Variants in SLC25A37 observed in about 807,000 individuals in gnomAD.
The protein encoded by SLC25A37 is mitoferrin-1.
A neutral mutation model predicts 31.0 loss-of-function variants in SLC25A37; 17 were observed. The observed-to-expected ratio is 0.55, with a 90% CI of 0.38 to 0.82. SLC25A37 has a LOEUF of 0.82. Ranked by LOEUF, SLC25A37 falls within the 40% of genes least tolerant of loss-of-function variation. The pLI, the probability that SLC25A37 is intolerant of heterozygous loss-of-function variation, is 0.00. For synonymous variants in SLC25A37, 222 were observed against 193.0 expected, an observed-to-expected ratio of 1.15 and a Z score of -1.24; for missense variants, 404 against 465.8, an observed-to-expected ratio of 0.87 and a Z score of 1.22.
chr8:23,529,028 G>A lies in SLC25A37; in HGVS notation c.26G>A (p.Gly9Asp), dbSNP rs1801603097. Reference protein sequence around the residue: MELRSGSVGSQAVARRMDG... With the variant: MELRSGSVDSQAVARRMDG... ...ATGGAGCTGCGCAGCGGGAGCGTGG[G>A]CAGCCAGGCGGTGGCGCGGAGGATG... is the stretch of plus-strand genomic sequence containing the variant. The change falls in exon 1 of 4, where the codon GGC becomes GAC. Residue 9 changes from glycine (G) to aspartate (D), a missense_variant. By Grantham distance (94) the Gly-to-Asp change is moderately conservative. Around this residue, in one of 3 missense-constraint regions of SLC25A37, gnomAD observed 154 missense variants for 153.6 expected, o/e 1.00. Coordinates refer to ENST00000519973, the MANE Select transcript of SLC25A37 (RefSeq NM_016612.4). The surrounding 1 kb of genome is among the most constrained non-coding windows in gnomAD (Gnocchi z 4.1). 4 of 1,542,674 alleles carry A rather than the reference G, an allele frequency of 2.6e-6. No individual in the cohort carries two copies. Among genetic ancestry groups the A allele is most frequent in the Non-Finnish European group, 2.6e-6 (3 of 1,145,436 alleles).
At chr8:23,544,007 T>G (rs1000977085) in intron 1 of SLC25A37, among the ~76,000 whole-genome samples, 1 of 151,746 alleles carries the variant, frequency 6.6e-6, no homozygotes, top group Non-Finnish European at 1.5e-5. Flanking sequence ...ATTACAGGTG[T>G]GTGCCACCAC....
Position 23,575,213 on chromosome 8 carries a change from G to A in SLC25A37, c.*3358G>A, listed in dbSNP as rs561781949. The A allele has an allele frequency of 4.4e-4, 67 of 152,282 alleles. No homozygotes were observed. Among genetic ancestry groups the A allele is most frequent in the African/African-American group, 1.6e-3 (66 of 41,566 alleles). The allele number at this position is 152,282 out of a possible 1,614,324, so 9.4% of individuals were successfully genotyped here. A position where few individuals can be genotyped will look rare whatever the true frequency, so the allele number is the denominator to read the frequency against. On this transcript the variant is annotated 3_prime_UTR_variant, in exon 4 of 4. Transcript: ENST00000519973. ...GTTTTATTTAACTTTATTTAAGGAT[G>A]ATTGTGTCTTTGAATGACAAATGTA...
intron 1 of SLC25A37, among the ~76,000 whole-genome samples, chr8:23,559,444 C>G (rs1358600663): frequency 6.6e-6 from 1 of 152,098 alleles, no homozygotes; most frequent in Non-Finnish European, 1.5e-5. Context: ...TTCCTCCTCT[C>G]CACCCTCACT....
chr8:23,547,489 T>G (rs1802099456), intron 1 of SLC25A37, among the ~76,000 whole-genome samples: 1 of 152,240 alleles, frequency 6.6e-6, no homozygotes, highest in Admixed American at 6.5e-5. Context: ...ATGTCAAGAT[T>G]GAACTAACAC....
Position 23,573,648 on chromosome 8 carries a change from C to G in SLC25A37, c.*1793C>G, listed in dbSNP as rs1317166270. The G allele has an allele frequency of 5.2e-6, 2 of 383,862 alleles. No homozygotes were observed. The highest frequency in any genetic ancestry group is 1.1e-5 in the Non-Finnish European group (2 of 185,864). The allele number at this position is 383,862 out of a possible 1,614,324, so 23.8% of individuals were successfully genotyped here. The stretch of plus-strand genomic sequence containing the variant: ...AGTGCCTTGGGGAGTAGATTTTGCC[C>G]TAATAGCGATGAAGAATTTTATCAG... On this transcript the variant is annotated 3_prime_UTR_variant, in exon 4 of 4. Coordinates refer to ENST00000519973, the MANE Select transcript of SLC25A37 (RefSeq NM_016612.4).
At position 23,573,406 on chromosome 8, in the gene SLC25A37, T is replaced by A. The variant is rs1477589029; in HGVS notation, c.*1551T>A. Reference sequence around the variant, plus strand: ...GGAATACCGACGAGACGAGCTGCACTGTCTCTGATTTGGAGCCCTCACCGG... The same window carrying A: ...GGAATACCGACGAGACGAGCTGCACAGTCTCTGATTTGGAGCCCTCACCGG... On this transcript the variant is annotated 3_prime_UTR_variant, in exon 4 of 4. Transcript: ENST00000519973. The A allele has an allele frequency of 5.8e-6, 1 of 172,052 alleles. No homozygotes were observed. Among genetic ancestry groups the A allele is most frequent in the South Asian group, 1.3e-4 (1 of 7,680 alleles). 10.7% of individuals were successfully genotyped at this position (172,052 alleles called of 1,614,324 possible). A position where few individuals can be genotyped will look rare whatever the true frequency, so the allele number is the denominator to read the frequency against.
In SLC25A37 at chr8:23,540,427, G is replaced by T. The variant is rs188273183; in HGVS notation, c.210+11215G>T. On this transcript the variant is annotated intron_variant, in intron 1 of 3. Coordinates refer to ENST00000519973, the MANE Select transcript of SLC25A37 (RefSeq NM_016612.4). ...TGGAGGAACCAGAGTTGAGTCGAGG[G>T]AGTAACTCCAGGAAATCATGGCACC... Among the ~76,000 whole-genome samples the T allele has an allele frequency of 2.0e-5, 3 of 152,310 alleles. No individual in the cohort carries two copies. The East Asian group carries it at 5.8e-4, about 29-fold the overall frequency.
rs201691273 is a variant in SLC25A37, at chr8:23,529,222, G to T, written c.210+10G>T. 1.2e-5 allele frequency: 20 copies of T among 1,602,836 alleles called. No individual in the cohort carries two copies. In the East Asian group the frequency reaches 4.6e-4, roughly 37 times the overall value. ...GGTGGACTCGGTGAAGGTGAGGCGC[G>T]GGGAGACTTCGGGGACGCAACGAGC... is the stretch of plus-strand genomic sequence containing the variant. On this transcript the variant is annotated intron_variant, in intron 1 of 3. Coordinates refer to ENST00000519973, the MANE Select transcript of SLC25A37 (RefSeq NM_016612.4). This position sits in a 1 kb window ranked among gnomAD's most constrained non-coding sequence, Gnocchi z 4.1.
intron 1 of SLC25A37, among the ~76,000 whole-genome samples, chr8:23,536,270 A>T (rs1801765893): frequency 6.6e-6 from 1 of 152,088 alleles, no homozygotes; most frequent in South Asian, 2.1e-4. Context: ...CCATAAACAA[A>T]CTGTTGCCCC....
At chr8:23,550,466 G>T (rs1802193465) in intron 1 of SLC25A37, among the ~76,000 whole-genome samples, 1 of 152,234 alleles carries the variant, frequency 6.6e-6, no homozygotes, top group Non-Finnish European at 1.5e-5. Context: ...CCCTTCTTCT[G>T]TGGATAATAG....
At chr8:23,541,524 C>G (rs982410542) in intron 1 of SLC25A37, 1 of 152,288 alleles carries the variant, frequency 6.6e-6, no homozygotes. Flanking sequence ...CTCAGGGTCC[C>G]CACGGTGCCC....
At chr8:23,566,870 C>T in intron 2 of SLC25A37, 1 of 971,074 alleles carries the variant, frequency 1.0e-6, no homozygotes, top group Non-Finnish European at 1.2e-6. Flanking sequence ...CCTTTCCCAC[C>T]TTAAGCTTCC....
At chr8:23,551,671 T>C (rs778245278) in intron 1 of SLC25A37, among the ~76,000 whole-genome samples, 1 of 151,816 alleles carries the variant, frequency 6.6e-6, no homozygotes, top group Non-Finnish European at 1.5e-5. Context: ...ACAGAGACTT[T>C]AGGCAGTAGG....
chr8:23,544,186 T>A (rs1801975239), intron 1 of SLC25A37, among the ~76,000 whole-genome samples: 1 of 152,160 alleles, frequency 6.6e-6, no homozygotes, highest in Non-Finnish European at 1.5e-5. Context: ...TATATTTAGA[T>A]TCATTTAGAT....
intron 1 of SLC25A37, among the ~76,000 whole-genome samples, chr8:23,534,287 A>C (rs1801720523): frequency 6.6e-6 from 1 of 152,114 alleles, no homozygotes; most frequent in Admixed American, 6.5e-5. Flanking sequence ...CCTTCCCTAA[A>C]GTTCCCTCAA....
At chr8:23,553,287 T>C (rs924797911) in intron 1 of SLC25A37, among the ~76,000 whole-genome samples, 1 of 152,028 alleles carries the variant, frequency 6.6e-6, no homozygotes, top group Non-Finnish European at 1.5e-5. Flanking sequence ...CCATGTGTGG[T>C]AGCATGCGCC....
intron 1 of SLC25A37, among the ~76,000 whole-genome samples, chr8:23,542,933 G>A (rs1478485230): frequency 2.6e-5 from 4 of 152,022 alleles, no homozygotes; most frequent in African/African-American, 7.2e-5. Context: ...AGGATATAGA[G>A]AAAAAATATT....
chr8:23,562,084 G>A (rs1802530564), intron 1 of SLC25A37, among the ~76,000 whole-genome samples: 1 of 152,200 alleles, frequency 6.6e-6, no homozygotes, highest in Non-Finnish European at 1.5e-5. Flanking sequence ...CCATAGGCTG[G>A]GCTTGCAAAA....
At chr8:23,553,582 G>C (rs17089355) in intron 1 of SLC25A37, among the ~76,000 whole-genome samples, 2 of 152,206 alleles carry the variant, frequency 1.3e-5, no homozygotes, top group Non-Finnish European at 2.9e-5. Flanking sequence ...AGTGAATTCA[G>C]TTCTCTCTTG....
Sources: allele counts gnomAD v4.1 joint callset (sites outside exome capture counted in the v4.1 genomes callset), GRCh38; gene constraint gnomAD v4.1.1; regional missense constraint gnomAD v4.1.1; non-coding constraint Gnocchi (gnomAD v3.1); transcripts MANE v1.5; gene names NCBI Gene and HGNC (gene_info 2026-07-23, HGNC 2026-07-21).